The following FYN variants were observed in gnomAD, a reference collection of about 807,000 sequenced individuals.
FYN encodes tyrosine-protein kinase Fyn.
In FYN, 10 loss-of-function variants were observed where a neutral mutation model predicts 70.2. That is an observed-to-expected ratio of 0.14 (90% CI 0.09 to 0.24). FYN has a LOEUF of 0.24. Among genes scored for constraint, FYN ranks in the 10% least tolerant of loss-of-function variants. FYN has a pLI of 1.00. For synonymous variants in FYN, 236 were observed against 248.6 expected, an observed-to-expected ratio of 0.95 and a Z score of 0.48; for missense variants, 319 against 673.1, an observed-to-expected ratio of 0.47 and a Z score of 5.82.
At chr6:111,737,264 T>C (rs1801749420) in intron 3 of FYN, among the ~76,000 whole-genome samples, 1 of 152,182 alleles carries the variant, frequency 6.6e-6, no homozygotes, top group Non-Finnish European at 1.5e-5. Context: ...GGTGCCAATA[T>C]CTACCTAGAG....
At chr6:111,683,429 G>A (rs889791263) in intron 12 of FYN, among the ~76,000 whole-genome samples, 4 of 152,174 alleles carry the variant, frequency 2.6e-5, no homozygotes, top group African/African-American at 9.7e-5. Flanking sequence ...TGGTGACCAG[G>A]CCAATTCCAT....
chr6:111,867,458 GA>G lies in FYN; in HGVS notation c.-123+5509del, dbSNP rs373634134. Among the ~76,000 whole-genome samples the G allele has an allele frequency of 4.2e-3, 294 of 70,458 alleles. 1 individual carries two copies. The highest frequency in any genetic ancestry group is 0.023 in the East Asian group (38 of 1,676). 46.2% of individuals were successfully genotyped at this position (70,458 alleles called of 152,430 possible). A position where few individuals can be genotyped will look rare whatever the true frequency, so the allele number is the denominator to read the frequency against. On this transcript the variant is annotated intron_variant, in intron 1 of 13. Transcript: ENST00000354650. ...CAACAAGAGCGAAACTCCGTCTCGG[GA>G]AAAAAAAAAAAAAAAAAAAAAAAGA...
chr6:111,685,511 C>A (rs570477779), intron 12 of FYN, among the ~76,000 whole-genome samples: 1 of 152,322 alleles, frequency 6.6e-6, no homozygotes, highest in South Asian at 2.1e-4. Context: ...GCCACTGAGC[C>A]CCCTCCTTTG....
At chr6:111,718,186 A>G (rs1161929436) in intron 4 of FYN, among the ~76,000 whole-genome samples, 2 of 152,184 alleles carry the variant, frequency 1.3e-5, no homozygotes, top group Admixed American at 1.3e-4. Flanking sequence ...GTTCTCACTG[A>G]GGGCTTTTAT....
intron 1 of FYN, 142 bp from the exon 2 acceptor site, chr6:111,846,771 AATTGTTGCTAAGTC>A: frequency 2.5e-6 from 1 of 396,546 alleles, no homozygotes; most frequent in Non-Finnish European, 4.4e-6. Context: ...TCATTCACAC[AATTGTTGCTAAGTC>A]ACAGTTGCCA....
At chr6:111,703,112 C>A in intron 7 of FYN, 78 bp from the exon 8 acceptor site, 1 of 1,372,720 alleles carries the variant, frequency 7.3e-7, no homozygotes, top group East Asian at 2.3e-5. Context: ...TTTCTTGACT[C>A]TGATTAATAA....
rs75622966 is a variant in FYN at position 111,852,218 on chromosome 6, A to G, written c.-122-5589T>C. Among the ~76,000 whole-genome samples, 389 of 152,328 alleles carry G rather than the reference A, an allele frequency of 2.6e-3. 16 individuals are homozygous for G. The East Asian group carries it at 0.063, about 25-fold the overall frequency. ...ACAAAGCAGGGTAACACGTTCCCTT[A>G]TATTTCTTAACCATGGTTGACATAA... On this transcript the variant is annotated intron_variant, in intron 1 of 13. Coordinates refer to ENST00000354650, the MANE Select transcript of FYN (RefSeq NM_002037.5).
At chr6:111,734,189 G>A (rs977812331) in intron 3 of FYN, among the ~76,000 whole-genome samples, 17 of 152,286 alleles carry the variant, frequency 1.1e-4, no homozygotes, top group African/African-American at 3.9e-4. Context: ...AAGACCTTTT[G>A]CACACATTGA....
At chr6:111,735,497 C>T (rs995277212) in intron 3 of FYN, among the ~76,000 whole-genome samples, 1 of 152,216 alleles carries the variant, frequency 6.6e-6, no homozygotes. Context: ...GGCCTCAGTG[C>T]TAGGTTTAAC....
intron 2 of FYN, among the ~76,000 whole-genome samples, chr6:111,807,828 G>A (rs563496543): frequency 4.6e-5 from 7 of 152,262 alleles, no homozygotes; most frequent in Non-Finnish European, 8.8e-5. Flanking sequence ...GTGAGGTCAG[G>A]GCCGGATGTG....
At chr6:111,734,774 TG>T (rs1313031619) in intron 3 of FYN, among the ~76,000 whole-genome samples, 1 of 152,254 alleles carries the variant, frequency 6.6e-6, no homozygotes, top group Non-Finnish European at 1.5e-5. Flanking sequence ...TCATTTCCTT[TG>T]CATTTTTGTT....
chr6:111,739,896 T>A (rs964723631), intron 3 of FYN, among the ~76,000 whole-genome samples: 1 of 152,204 alleles, frequency 6.6e-6, no homozygotes, highest in African/African-American at 2.4e-5. Context: ...CAATCTTAGC[T>A]CACGGCAACC....
At chr6:111,759,295 G>A (rs1020496059) in intron 3 of FYN, among the ~76,000 whole-genome samples, 1 of 152,116 alleles carries the variant, frequency 6.6e-6, no homozygotes, top group African/African-American at 2.4e-5. Flanking sequence ...ATCTTTTAAG[G>A]TGGAGTGATT....
rs1448174379 is a variant in FYN, at chr6:111,671,672, G to GA, written c.1405+2826dup. Among the ~76,000 whole-genome samples, 3 of 152,158 alleles carry GA rather than the reference G, an allele frequency of 2.0e-5. No individual in the cohort carries two copies. In the East Asian group the frequency reaches 5.8e-4, roughly 29 times the overall value. On this transcript the variant is annotated intron_variant, in intron 13 of 13. Transcript: ENST00000354650. The stretch of plus-strand genomic sequence containing the variant: ...CTGAGGTACCAGCAACAGGCACAAA[G>GA]ACGCAACGTGGGAAGCTGAGAAGGA...
At chr6:111,718,806 ACTT>A (rs139000191) in intron 4 of FYN, among the ~76,000 whole-genome samples, 3,601 of 152,234 alleles carry the variant, frequency 0.024, 148 homozygotes, top group African/African-American at 0.077. Context: ...GAACATAAAT[ACTT>A]CTTCTACTGG....
chr6:111,670,476 T>A (rs1037008697), intron 13 of FYN, among the ~76,000 whole-genome samples: 7 of 152,218 alleles, frequency 4.6e-5, no homozygotes, highest in African/African-American at 1.2e-4. Flanking sequence ...TTGTTTATTG[T>A]TTGTCTCCTC....
intron 2 of FYN, among the ~76,000 whole-genome samples, chr6:111,832,395 A>C (rs1243022616): frequency 6.6e-6 from 1 of 152,158 alleles, no homozygotes. Flanking sequence ...CTATCCTGTG[A>C]CTTTATTAAA....
chr6:111,685,431 C>T (rs1798959389), intron 12 of FYN, among the ~76,000 whole-genome samples: 1 of 152,214 alleles, frequency 6.6e-6, no homozygotes, highest in Admixed American at 6.5e-5. Flanking sequence ...CTTTTTCAAA[C>T]CGCTCCCCTT....
chr6:111,820,740 T>C (rs762015051), intron 2 of FYN, among the ~76,000 whole-genome samples: 1 of 151,892 alleles, frequency 6.6e-6, no homozygotes, highest in African/African-American at 2.4e-5. Context: ...AACAGATGCA[T>C]AATTATAAAA....
Sources: gnomAD v4.1 joint callset for allele counts (sites outside exome capture counted in the v4.1 genomes callset) on GRCh38, gnomAD v4.1.1 for gene constraint, MANE v1.5 for transcripts, NCBI Gene and HGNC (gene_info 2026-07-23, HGNC 2026-07-21) for gene names.